Variants in MAGI2 observed in about 807,000 individuals in gnomAD.
MAGI2 encodes membrane associated guanylate kinase, WW and PDZ domain containing 2.
A neutral mutation model predicts 133.3 loss-of-function variants in MAGI2; 35 were observed. That is an observed-to-expected ratio of 0.26 (90% CI 0.20 to 0.35). MAGI2 has a LOEUF of 0.35. Among genes scored for constraint, MAGI2 ranks in the 10% least tolerant of loss-of-function variants. MAGI2 has a pLI of 1.00. For synonymous variants in MAGI2, 729 were observed against 710.6 expected (o/e 1.03, Z -0.41); for missense variants, 1,636 against 1,863.4 (o/e 0.88, Z 2.25).
chr7:78,511,322 G>T (rs1016688557), intron 4 of MAGI2, among the ~76,000 whole-genome samples: 1 of 151,764 alleles, frequency 6.6e-6, no homozygotes, highest in African/African-American at 2.4e-5. Context: ...GTAATGAAAA[G>T]TGTAGGACAC....
intron 3 of MAGI2, among the ~76,000 whole-genome samples, chr7:78,602,185 T>C (rs1261530959): frequency 6.7e-6 from 1 of 148,572 alleles, no homozygotes; most frequent in Non-Finnish European, 1.5e-5. Context: ...TCATTCTTGT[T>C]GCACAGGCTT....
At chr7:78,310,738 A>C (rs1394100713) in intron 9 of MAGI2, among the ~76,000 whole-genome samples, 2 of 152,184 alleles carry the variant, frequency 1.3e-5, no homozygotes, top group African/African-American at 4.8e-5. Context: ...GAGAAATGTT[A>C]AATTTGTAGG....
chr7:79,318,904 G>T (rs558773513), intron 1 of MAGI2, among the ~76,000 whole-genome samples: 13 of 152,150 alleles, frequency 8.5e-5, no homozygotes, highest in African/African-American at 3.1e-4. Context: ...TAAGAGAGCT[G>T]GGTCATCATC....
chr7:78,914,267 G>A (rs1479522807), intron 2 of MAGI2, among the ~76,000 whole-genome samples: 2 of 152,068 alleles, frequency 1.3e-5, no homozygotes, highest in African/African-American at 4.8e-5. Context: ...ACAACATTGT[G>A]ACCATTCTCA....
intron 10 of MAGI2, among the ~76,000 whole-genome samples, chr7:78,230,767 A>G (rs1789886835): frequency 6.6e-6 from 1 of 152,192 alleles, no homozygotes; most frequent in Admixed American, 6.5e-5. Flanking sequence ...TGGTTTCTGT[A>G]AAAACCCTGG....
At chr7:78,743,490 T>C (rs1288827482) in intron 2 of MAGI2, among the ~76,000 whole-genome samples, 1 of 152,214 alleles carries the variant, frequency 6.6e-6, no homozygotes, top group Non-Finnish European at 1.5e-5. Context: ...CTTTCTTTTG[T>C]GCCTGCAGTA....
At position 79,216,533 on chromosome 7, in the gene MAGI2, C is replaced by T. The variant is rs116860543; in HGVS notation, c.302-209327G>A. ...CTGTAATACAGGCCCACTTGAGCTT[C>T]GCAAGTTGCAGGCACCTACCCCTAG... is the stretch of plus-strand genomic sequence containing the variant. On this transcript the variant is annotated intron_variant, in intron 1 of 21. Transcript: ENST00000354212. Among the ~76,000 whole-genome samples, 1,115 of 152,066 alleles carry T rather than the reference C, an allele frequency of 7.3e-3. 4 individuals carry two copies. The highest frequency in any genetic ancestry group is 0.014 in the Middle Eastern group (4 of 294).
chr7:79,044,921 A>T (rs1344538521), intron 1 of MAGI2, among the ~76,000 whole-genome samples: 1 of 152,244 alleles, frequency 6.6e-6, no homozygotes, highest in Non-Finnish European at 1.5e-5. Context: ...TGCAATTCTA[A>T]TCCTTGTTAT....
chr7:78,737,741 GTTT>G (rs113797531), intron 2 of MAGI2, among the ~76,000 whole-genome samples: 37 of 152,036 alleles, frequency 2.4e-4, no homozygotes, highest in African/African-American at 4.1e-4. Flanking sequence ...CATAAAAATT[GTTT>G]TTTTATGGCT....
At chr7:78,661,637 C>G (rs1229720859) in intron 2 of MAGI2, among the ~76,000 whole-genome samples, 1 of 152,206 alleles carries the variant, frequency 6.6e-6, no homozygotes, top group Non-Finnish European at 1.5e-5. Context: ...CTCAACTAGA[C>G]CAGTGTGTAG....
intron 2 of MAGI2, among the ~76,000 whole-genome samples, chr7:78,798,083 T>C (rs1420989828): frequency 6.6e-6 from 1 of 152,180 alleles, no homozygotes; most frequent in Non-Finnish European, 1.5e-5. Context: ...TGTAACAGGT[T>C]GTTTTTGAAA....
intron 1 of MAGI2, among the ~76,000 whole-genome samples, chr7:79,274,008 G>A (rs1041098946): frequency 6.6e-6 from 1 of 152,072 alleles, no homozygotes; most frequent in Admixed American, 6.6e-5. Context: ...ATCCTGGGGT[G>A]CCATGGTTCT....
At chr7:78,990,022 A>G (rs1805611415) in intron 2 of MAGI2, among the ~76,000 whole-genome samples, 1 of 152,088 alleles carries the variant, frequency 6.6e-6, no homozygotes, top group Non-Finnish European at 1.5e-5. Flanking sequence ...TAATCTTCCT[A>G]AAATACATGT....
chr7:79,285,227 C>A (rs117170940), intron 1 of MAGI2, among the ~76,000 whole-genome samples: 1,700 of 152,138 alleles, frequency 0.011, 13 homozygotes, highest in Middle Eastern at 0.017. Context: ...ATATCCATTA[C>A]TAAGATGATA....
chr7:79,015,192 T>C (rs1000460241), intron 1 of MAGI2, among the ~76,000 whole-genome samples: 1 of 152,122 alleles, frequency 6.6e-6, no homozygotes, highest in African/African-American at 2.4e-5. Flanking sequence ...CGGTGGCTCA[T>C]GCTTGTAATC....
At chr7:79,437,892 T>G (rs1207218738) in intron 1 of MAGI2, among the ~76,000 whole-genome samples, 1 of 152,152 alleles carries the variant, frequency 6.6e-6, no homozygotes, top group East Asian at 1.9e-4. Context: ...TTCCATATGC[T>G]ACCCATTAAG....
chr7:79,260,225 G>A (rs541710246), intron 1 of MAGI2, among the ~76,000 whole-genome samples: 11 of 152,132 alleles, frequency 7.2e-5, no homozygotes, highest in South Asian at 4.2e-4. Flanking sequence ...GCATGGTGGC[G>A]CGCTCCTGGG....
chr7:78,983,451 G>C (rs1804961405), intron 2 of MAGI2, among the ~76,000 whole-genome samples: 1 of 151,970 alleles, frequency 6.6e-6, no homozygotes, highest in East Asian at 2.0e-4. Context: ...GATTAGAGTA[G>C]AATGTTCTCT....
At chr7:79,317,706 G>T (rs900535724) in intron 1 of MAGI2, among the ~76,000 whole-genome samples, 12 of 152,036 alleles carry the variant, frequency 7.9e-5, no homozygotes, top group African/African-American at 2.9e-4. Flanking sequence ...TAGCTATATG[G>T]CCACTGGCTC....
Sources: allele counts gnomAD v4.1 joint callset (sites outside exome capture counted in the v4.1 genomes callset), GRCh38; gene constraint gnomAD v4.1.1; transcripts MANE v1.5; gene names NCBI Gene and HGNC (gene_info 2026-07-23, HGNC 2026-07-21).